Variants in TLN2 observed in about 807,000 individuals in gnomAD.
TLN2 encodes the protein talin-2.
TLN2 carries 118 observed loss-of-function variants against 294.7 expected under a neutral mutation model. That is an observed-to-expected ratio of 0.40 (90% CI 0.34 to 0.47). The LOEUF (loss-of-function observed/expected upper bound fraction) is 0.47. Ranked by LOEUF, TLN2 falls within the 20% of genes least tolerant of loss-of-function variation. The pLI is 0.84. For missense variants in TLN2, 3,083 were observed against 3,282.2 expected (o/e 0.94, Z 1.48); for synonymous variants, 1,431 against 1,304.5 (o/e 1.10, Z -2.09).
At chr15:62,496,214 G>T (rs1257363014) in intron 1 of TLN2, among the ~76,000 whole-genome samples, 1 of 152,214 alleles carries the variant, frequency 6.6e-6, no homozygotes, top group Non-Finnish European at 1.5e-5. Context: ...ATCTCTGGAA[G>T]CTGCTGGTTC....
rs180856427 is a variant in TLN2, at chr15:62,664,085, T to C, written c.788+6187T>C. Among the ~76,000 whole-genome samples the C allele has an allele frequency of 7.6e-4, 115 of 152,112 alleles. 1 individual carries two copies. In the East Asian group the frequency reaches 0.021, roughly 28 times the overall value. ...TAAGGTGATATAGTAATTCAAAAGA[T>C]TGATAAATTTACCTTTATTAAAATT... On this transcript the variant is annotated intron_variant, in intron 9 of 58. Coordinates refer to ENST00000636159, the MANE Select transcript of TLN2 (RefSeq NM_015059.3).
chr15:62,815,197 A>T (rs915234269), intron 52 of TLN2, among the ~76,000 whole-genome samples: 120 of 149,058 alleles, frequency 8.1e-4, no homozygotes, highest in Admixed American at 8.0e-4. Flanking sequence ...ACACACACAC[A>T]CACACACACA....
chr15:62,395,948 G>T (rs2032510731), intron 1 of TLN2, among the ~76,000 whole-genome samples: 1 of 152,030 alleles, frequency 6.6e-6, no homozygotes, highest in African/African-American at 2.4e-5. Flanking sequence ...TGATTCTCCT[G>T]CCTAGGCTTC....
At position 62,431,201 on chromosome 15, in the gene TLN2, C is replaced by A. The variant is rs1029964615; in HGVS notation, c.-238+40516C>A. The stretch of plus-strand genomic sequence containing the variant: ...CCATAGTGTCCCCAGTCCTTGGTCA[C>A]AAGCCTGCTGGAGCATGTGAAACTG... On this transcript the variant is annotated intron_variant, in intron 1 of 58. Coordinates refer to ENST00000636159, the MANE Select transcript of TLN2 (RefSeq NM_015059.3). Among the ~76,000 whole-genome samples, 8 of 152,132 alleles carry A rather than the reference C, an allele frequency of 5.3e-5. No homozygotes were observed. In the South Asian group the frequency reaches 1.2e-3, roughly 24 times the overall value.
At chr15:62,714,802 G>A (rs1258699055) in intron 22 of TLN2, among the ~76,000 whole-genome samples, 15 of 152,020 alleles carry the variant, frequency 9.9e-5, no homozygotes, top group Admixed American at 9.2e-4. Context: ...AAGATTTCAG[G>A]CCAAAATTAG....
intron 3 of TLN2, among the ~76,000 whole-genome samples, chr15:62,640,789 T>G (rs2140913336): frequency 6.6e-6 from 1 of 152,240 alleles, no homozygotes; most frequent in East Asian, 1.9e-4. Context: ...CTATGTTTAT[T>G]TATTTTTAAC....
chr15:62,752,350 G>T lies in TLN2; in HGVS notation c.4255G>T (p.Gly1419Ter). 6.2e-7 allele frequency: 1 copy of T among 1,614,120 alleles called. No individual in the cohort carries two copies. The highest frequency in any genetic ancestry group is 8.5e-7 in the Non-Finnish European group (1 of 1,180,020). The change falls in exon 35 of 59, where the codon GGA becomes TGA. Residue 1419 changes from glycine (G) to a stop codon, truncating the protein, a stop_gained. Coordinates refer to ENST00000636159, the MANE Select transcript of TLN2 (RefSeq NM_015059.3). LOFTEE classifies it high-confidence loss of function. ...AGGGATTTCACAGAATGCCAAGACCGGAGACCTCCCTGCCTTTGGGGAATG... is the reference window on the plus strand; with the variant it reads ...AGGGATTTCACAGAATGCCAAGACCTGAGACCTCCCTGCCTTTGGGGAATG... ...MAGISQNAKT[G>*]DLPAFGECVG...
chr15:62,486,206 T>C (rs949257713), intron 1 of TLN2, among the ~76,000 whole-genome samples: 4 of 152,208 alleles, frequency 2.6e-5, no homozygotes, highest in African/African-American at 7.2e-5. Context: ...CCTTTTCTTC[T>C]TTTTCTTTTT....
At chr15:62,533,872 A>G (rs2041186419) in intron 1 of TLN2, among the ~76,000 whole-genome samples, 1 of 152,156 alleles carries the variant, frequency 6.6e-6, no homozygotes, top group African/African-American at 2.4e-5. Context: ...TGTAACATGC[A>G]TCCCATCTGG....
At chr15:62,648,993 A>C (rs1238318706) in intron 4 of TLN2, among the ~76,000 whole-genome samples, 1 of 152,008 alleles carries the variant, frequency 6.6e-6, no homozygotes, top group Non-Finnish European at 1.5e-5. Flanking sequence ...CTACAGGTGC[A>C]CACGCCACCA....
At chr15:62,532,555 GA>G (rs1039861747) in intron 1 of TLN2, among the ~76,000 whole-genome samples, 11 of 152,170 alleles carry the variant, frequency 7.2e-5, no homozygotes, top group African/African-American at 2.4e-4. Flanking sequence ...TCCTGTCCTG[GA>G]AATGGGACCC....
chr15:62,508,904 G>A (rs1250939311), intron 1 of TLN2, among the ~76,000 whole-genome samples: 1 of 152,076 alleles, frequency 6.6e-6, no homozygotes, highest in Non-Finnish European at 1.5e-5. Flanking sequence ...AGTATTCTTG[G>A]TATTTTTGTA....
At chr15:62,797,840 C>CACGG (rs1394849983) in intron 48 of TLN2, among the ~76,000 whole-genome samples, 1 of 152,160 alleles carries the variant, frequency 6.6e-6, no homozygotes, top group African/African-American at 2.4e-5. Flanking sequence ...CCTGCCCAGG[C>CACGG]ACGGGGCTGT....
chr15:62,673,072 T>TTGTGTGTGTGTGTGTGTGTGTGTGTGTG lies in TLN2; in HGVS notation c.789-728_789-727insGTGTGTGTGTGTGTGTGTGTGTGTGTGT, dbSNP rs60589441. Among the ~76,000 whole-genome samples the TTGTGTGTGTGTGTGTGTGTGTGTGTGTG allele has an allele frequency of 1.2e-4, 18 of 144,902 alleles. No individual in the cohort carries two copies. The East Asian group carries it at 2.4e-3, about 19-fold the overall frequency. ...TATATAATGTAATATCCTAATTTAATTGTGTGTGTGTGTGTGTGTGTGTGT... is the reference window on the plus strand; with the variant it reads ...TATATAATGTAATATCCTAATTTAATTGTGTGTGTGTGTGTGTGTGTGTGTGTGTGTGTGTGTGTGTGTGTGTGTGTGT... On this transcript the variant is annotated intron_variant, in intron 9 of 58. Transcript: ENST00000636159.
At chr15:62,752,228 G>A (rs2061977909) in intron 34 of TLN2, 77 bp from the exon 35 acceptor site, 1 of 1,536,610 alleles carries the variant, frequency 6.5e-7, no homozygotes, top group African/African-American at 1.4e-5. Context: ...GAATATTAAA[G>A]TTGGAGTGTA....
At chr15:62,800,927 C>T (rs115699084) in intron 50 of TLN2, among the ~76,000 whole-genome samples, 158 bp downstream of exon 50, 1 of 152,064 alleles carries the variant, frequency 6.6e-6, no homozygotes, top group Non-Finnish European at 1.5e-5. Flanking sequence ...TAATTGAGAC[C>T]CCATGTGTCA....
chr15:62,613,329 T>A (rs545414324), intron 2 of TLN2, among the ~76,000 whole-genome samples: 1 of 152,314 alleles, frequency 6.6e-6, no homozygotes, highest in East Asian at 1.9e-4. Context: ...ACCTTTGTAA[T>A]TATTTAGAAT....
intron 1 of TLN2, among the ~76,000 whole-genome samples, chr15:62,489,243 C>T (rs1377520646): frequency 1.3e-5 from 2 of 152,174 alleles, no homozygotes; most frequent in African/African-American, 4.8e-5. Context: ...CTCTTTTGCT[C>T]CTTTTCTTCA....
At chr15:62,784,115 G>A in intron 45 of TLN2, 1 of 655,724 alleles carries the variant, frequency 1.5e-6, no homozygotes, top group Non-Finnish European at 2.4e-6. Context: ...CTGGGGCATG[G>A]GCTTTCAGAC....
Sources: gnomAD v4.1 joint callset for allele counts (sites outside exome capture counted in the v4.1 genomes callset) on GRCh38, gnomAD v4.1.1 for gene constraint, MANE v1.5 for transcripts, NCBI Gene and HGNC (gene_info 2026-07-23, HGNC 2026-07-21) for gene names.